Variants in SUPT3H observed in about 807,000 individuals in gnomAD.
SUPT3H encodes SPT3 homolog, SAGA and STAGA complex component, also known as transcription initiation protein SPT3 homolog.
In SUPT3H, 44 loss-of-function variants were observed where a neutral mutation model predicts 44.3. The ratio of observed to expected loss-of-function variants is 0.99; its 90% CI spans 0.78 to 1.28. SUPT3H has a LOEUF of 1.28. Ranked by LOEUF, SUPT3H falls within the 50% of genes most tolerant of loss-of-function variation. The probability of loss-of-function intolerance (pLI) is 0.00; values close to 1 mark genes in which losing one functional copy is unlikely to be tolerated. For missense variants in SUPT3H, 380 were observed against 387.1 expected (o/e 0.98, Z 0.15); for synonymous variants, 124 against 125.6 (o/e 0.99, Z 0.09).
intron 10 of SUPT3H, among the ~76,000 whole-genome samples, chr6:44,859,403 C>A (rs1451000929): frequency 6.6e-6 from 1 of 152,142 alleles, no homozygotes; most frequent in East Asian, 1.9e-4. Flanking sequence ...ATGGAAAGCT[C>A]CAATATTTAG....
chr6:44,847,630 G>A (rs968539557), intron 10 of SUPT3H, among the ~76,000 whole-genome samples: 1 of 152,048 alleles, frequency 6.6e-6, no homozygotes, highest in African/African-American at 2.4e-5. Flanking sequence ...TGGGACTACA[G>A]GCATGTGCCA....
At chr6:45,180,740 T>A (rs1161915370) in intron 2 of SUPT3H, among the ~76,000 whole-genome samples, 3 of 152,130 alleles carry the variant, frequency 2.0e-5, no homozygotes, top group African/African-American at 4.8e-5. Context: ...AAGACTTAAA[T>A]GTTAGACCTA....
chr6:45,351,928 G>A (rs1792135497), intron 2 of SUPT3H, among the ~76,000 whole-genome samples: 2 of 152,038 alleles, frequency 1.3e-5, no homozygotes, highest in Non-Finnish European at 2.9e-5. Context: ...TGACAACTTA[G>A]GCAACAATTA....
chr6:45,369,668 A>G (rs957011618), intron 1 of SUPT3H, among the ~76,000 whole-genome samples: 3 of 152,190 alleles, frequency 2.0e-5, no homozygotes, highest in Admixed American at 1.3e-4. Context: ...TGGATTCTTC[A>G]TATCTAAGTA....
At chr6:45,246,029 T>C (rs968600026) in intron 2 of SUPT3H, among the ~76,000 whole-genome samples, 1 of 152,150 alleles carries the variant, frequency 6.6e-6, no homozygotes, top group Non-Finnish European at 1.5e-5. Context: ...ACTGGTAATA[T>C]AGAGCATATT....
At chr6:45,372,024 A>G in intron 1 of SUPT3H, 2 of 957,806 alleles carry the variant, frequency 2.1e-6, no homozygotes, top group Non-Finnish European at 2.5e-6. Flanking sequence ...CAAAGAATAT[A>G]CAAATAAAAG....
At position 45,146,226 on chromosome 6, in the gene SUPT3H, T is replaced by C. The variant is rs1806043480; in HGVS notation, c.102-40220A>G. On this transcript the variant is annotated intron_variant, in intron 2 of 10. Transcript: ENST00000371459. ...AAAGATGCTTGCACACGCATGTTTA[T>C]AGCAGCACGATTCGCAACTGCAAAA... Among the ~76,000 whole-genome samples the C allele has an allele frequency of 5.3e-5, 8 of 152,288 alleles. No individual in the cohort carries two copies. In the South Asian group the frequency reaches 1.7e-3, roughly 32 times the overall value.
At chr6:44,932,372 T>C (rs911543982) in intron 10 of SUPT3H, among the ~76,000 whole-genome samples, 4 of 152,176 alleles carry the variant, frequency 2.6e-5, no homozygotes, top group African/African-American at 9.7e-5. Flanking sequence ...GAGAATAACG[T>C]TTTATAAACC....
At chr6:45,296,094 T>C (rs1781145920) in intron 2 of SUPT3H, among the ~76,000 whole-genome samples, 1 of 151,814 alleles carries the variant, frequency 6.6e-6, no homozygotes, top group Non-Finnish European at 1.5e-5. Flanking sequence ...AATCAACGAA[T>C]GGATAAGGAA....
At chr6:45,311,678 CA>C (rs1182573072) in intron 2 of SUPT3H, among the ~76,000 whole-genome samples, 1 of 152,126 alleles carries the variant, frequency 6.6e-6, no homozygotes, top group Non-Finnish European at 1.5e-5. Flanking sequence ...TCAAACAAAA[CA>C]ATCTTCAGCC....
In SUPT3H at chr6:45,025,878, G is replaced by A. The variant is rs533844116; in HGVS notation, c.187-5246C>T. On this transcript the variant is annotated intron_variant, in intron 3 of 10. Coordinates refer to ENST00000371459, the MANE Select transcript of SUPT3H (RefSeq NM_003599.4). ...CGCCTGGATGACAGAGCGAGACTCC[G>A]TCTCAAAAAAAAAAAAAAAAAATGT... Among the ~76,000 whole-genome samples, 15 of 73,260 alleles carry A rather than the reference G, an allele frequency of 2.0e-4. No homozygotes were observed. In the East Asian group the frequency reaches 7.1e-3, roughly 34 times the overall value. 48.1% of individuals were successfully genotyped at this position (73,260 alleles called of 152,430 possible).
At chr6:44,957,838 A>C (rs939149928) in intron 7 of SUPT3H, among the ~76,000 whole-genome samples, 1 of 152,216 alleles carries the variant, frequency 6.6e-6, no homozygotes. Flanking sequence ...TCATCAAAAG[A>C]CATGCATAGA....
chr6:44,952,532 G>T (rs995716735), intron 9 of SUPT3H, among the ~76,000 whole-genome samples: 1 of 152,136 alleles, frequency 6.6e-6, no homozygotes, highest in Admixed American at 6.5e-5. Context: ...GATCCAAAAC[G>T]TACTTCACAA....
intron 6 of SUPT3H, among the ~76,000 whole-genome samples, chr6:45,002,323 T>C (rs1782112409): frequency 1.3e-5 from 2 of 152,044 alleles, no homozygotes; most frequent in Non-Finnish European, 2.9e-5. Flanking sequence ...TCTTCTCTTC[T>C]TGATTGTGGA....
intron 3 of SUPT3H, among the ~76,000 whole-genome samples, chr6:45,103,435 G>C (rs1255157321): frequency 1.3e-5 from 2 of 151,980 alleles, no homozygotes; most frequent in African/African-American, 4.8e-5. Context: ...GAATATAAAA[G>C]TATGTATCCA....
intron 1 of SUPT3H, among the ~76,000 whole-genome samples, chr6:45,370,656 T>TA (rs1032327911): frequency 2.0e-5 from 3 of 151,988 alleles, no homozygotes; most frequent in Admixed American, 6.6e-5. Context: ...TAATGGGCAC[T>TA]AAAAAAAATC....
chr6:45,211,367 T>G (rs1177971018), intron 2 of SUPT3H, among the ~76,000 whole-genome samples: 1 of 152,182 alleles, frequency 6.6e-6, no homozygotes, highest in East Asian at 1.9e-4. Flanking sequence ...GTAAAGTTTA[T>G]TAAGATTCAT....
rs113638765 is a variant in SUPT3H, at chr6:44,830,267, C to T, written c.913-410G>A. 3.6e-3 allele frequency among the ~76,000 whole-genome samples: 551 copies of T among 152,238 alleles called. 8 individuals carry two copies. Among genetic ancestry groups the T allele is most frequent in the African/African-American group, 0.012 (513 of 41,534 alleles). ...TTACTGACTCATTACTGGCCCTTCC[C>T]GGGCCTAATTTATAGTCTGAGTGAA... On this transcript the variant is annotated intron_variant, in intron 10 of 10. Transcript: ENST00000371459.
Position 45,377,779 on chromosome 6 carries a change from G to C in SUPT3H, c.-12C>G, listed in dbSNP as rs989544284. On this transcript the variant is annotated 5_prime_UTR_variant, in exon 1 of 11. Coordinates refer to ENST00000371459, the MANE Select transcript of SUPT3H (RefSeq NM_003599.4). ...GCAAGCCCTACAACCTCTGCTTTAA[G>C]AACCCTTGGAGGCACTGCTGCGCTT... 2 of 152,520 alleles carry C rather than the reference G, an allele frequency of 1.3e-5. No homozygotes were observed. Among genetic ancestry groups the C allele is most frequent in the African/African-American group, 4.8e-5 (2 of 41,470 alleles). The allele number at this position is 152,520 out of a possible 1,614,324, so 9.4% of individuals were successfully genotyped here.
Sources: allele counts gnomAD v4.1 joint callset (sites outside exome capture counted in the v4.1 genomes callset), GRCh38; gene constraint gnomAD v4.1.1; transcripts MANE v1.5; gene names NCBI Gene and HGNC (gene_info 2026-07-23, HGNC 2026-07-21).